WT1: variants seen among roughly 807,000 people sequenced by gnomAD.
The protein encoded by WT1 is WT1 transcription factor.
A neutral mutation model predicts 60.8 loss-of-function variants in WT1; 8 were observed. The ratio of observed to expected loss-of-function variants is 0.13; its 90% confidence interval spans 0.08 to 0.24. The LOEUF (loss-of-function observed/expected upper bound fraction) is 0.24, where lower values mean the gene tolerates loss of function less well. WT1 is among the 10% of genes least tolerant of loss of function. The pLI is 1.00. For missense variants in WT1, 568 were observed against 711.8 expected (o/e 0.80, Z 2.30); for synonymous variants, 312 against 297.1 (o/e 1.05, Z -0.52).
chr11:32,425,237 A>T (rs1361175984), intron 3 of WT1, among the ~76,000 whole-genome samples: 2 of 152,024 alleles, frequency 1.3e-5, no homozygotes, highest in African/African-American at 4.8e-5. Flanking sequence ...GAGGGGGAGA[A>T]AAAGCTGGGC....
intron 5 of WT1, among the ~76,000 whole-genome samples, chr11:32,416,077 T>C (rs904434028): frequency 6.6e-6 from 1 of 152,198 alleles, no homozygotes; most frequent in Non-Finnish European, 1.5e-5. Context: ...TTTCAAAGCC[T>C]GGCCTCAGAC....
At chr11:32,399,904 G>A (rs1288242019) in intron 6 of WT1, 44 bp downstream of exon 6, 3 of 1,601,982 alleles carry the variant, frequency 1.9e-6, no homozygotes, top group African/African-American at 2.7e-5. Flanking sequence ...AGTAGGAAGA[G>A]GCAGTGCGGC....
At chr11:32,425,180 G>GAAAAAAAAAAAAAAAAAAAAAAAAAA (rs10540778) in intron 3 of WT1, among the ~76,000 whole-genome samples, 1 of 119,282 alleles carries the variant, frequency 8.4e-6, no homozygotes. Context: ...GTCTCGAAAA[G>GAAAAAAAAAAAAAAAAAAAAAAAAAA]AAAAAAAAAA....
chr11:32,430,443 AGAGAGAGGGAGG>A, intron 1 of WT1: 4 of 1,341,028 alleles, frequency 3.0e-6, no homozygotes, highest in South Asian at 1.3e-5. Context: ...AGAGAGAGAG[AGAGAGAGGGAGG>A]GAGAGAGAGA....
In WT1 at chr11:32,389,189, C is replaced by A. The variant is rs185744719; in HGVS notation, c.1448-10G>T. The A allele has an allele frequency of 1.1e-5, 18 of 1,613,920 alleles. No individual in the cohort carries two copies. In the East Asian group the frequency reaches 1.6e-4, roughly 14 times the overall value. On this transcript the variant is annotated splice_polypyrimidine_tract_variant and intron_variant, in intron 9 of 9. Transcript: ENST00000452863. ...CTGAAGGGCTTTTCACCTGTTGACA[C>A]AATTGCCAGTCAGAGACACTTGCAA...
At chr11:32,392,867 C>T (rs891903879) in intron 7 of WT1, 112 bp from the exon 8 acceptor site, 8 of 920,176 alleles carry the variant, frequency 8.7e-6, no homozygotes, top group Admixed American at 6.0e-5. Flanking sequence ...AGGCACTTCG[C>T]TGGAGCTTGT....
intron 5 of WT1, among the ~76,000 whole-genome samples, chr11:32,412,220 C>G (rs1339899396): frequency 6.6e-6 from 1 of 152,182 alleles, no homozygotes; most frequent in Non-Finnish European, 1.5e-5. Context: ...TCTCCAGATT[C>G]GACAGCCTTG....
intron 3 of WT1, among the ~76,000 whole-genome samples, chr11:32,424,257 C>A (rs977541115): frequency 1.5e-4 from 23 of 151,548 alleles, no homozygotes; most frequent in Middle Eastern, 3.2e-3. Flanking sequence ...TGATTCAGAG[C>A]ACAGCTGGGC....
chr11:32,400,441 T>A (rs1187349745), intron 5 of WT1: 7 of 350,676 alleles, frequency 2.0e-5, no homozygotes, highest in African/African-American at 1.5e-4. Flanking sequence ...GCACTGAATT[T>A]GTCGGCACCT....
chr11:32,411,641 A>C (rs1433046115), intron 5 of WT1, among the ~76,000 whole-genome samples: 3 of 152,226 alleles, frequency 2.0e-5, no homozygotes, highest in Non-Finnish European at 4.4e-5. Context: ...AATTCAATAC[A>C]TTCATCAAAT....
intron 5 of WT1, among the ~76,000 whole-genome samples, chr11:32,409,866 C>G (rs1481218234): frequency 6.6e-6 from 1 of 152,122 alleles, no homozygotes; most frequent in African/African-American, 2.4e-5. Flanking sequence ...GGACACTGTT[C>G]CAGTGATTCT....
chr11:32,395,789 T>G (rs951786632), intron 7 of WT1, among the ~76,000 whole-genome samples: 1 of 151,792 alleles, frequency 6.6e-6, no homozygotes, highest in Admixed American at 6.6e-5. Context: ...CACTAAAAAA[T>G]CAAACTAACA....
intron 3 of WT1, among the ~76,000 whole-genome samples, chr11:32,421,589 G>T (rs1425735530): frequency 6.6e-6 from 1 of 152,174 alleles, no homozygotes; most frequent in Non-Finnish European, 1.5e-5. Context: ...ATGCAAGTTG[G>T]AGTAAAATAA....
At chr11:32,429,144 ACC>A (rs1853175446) in intron 1 of WT1, 4 of 250,110 alleles carry the variant, frequency 1.6e-5, no homozygotes, top group Admixed American at 9.9e-5. Flanking sequence ...AAGAGTAATT[ACC>A]GAGTAATGTT....
chr11:32,428,918 C>A, intron 1 of WT1: 1 of 468,294 alleles, frequency 2.1e-6, no homozygotes. Flanking sequence ...CAGCGAACCC[C>A]TGGCAAATTA....
At chr11:32,392,445 T>C (rs563167545) in intron 8 of WT1, among the ~76,000 whole-genome samples, 1 of 152,342 alleles carries the variant, frequency 6.6e-6, no homozygotes, top group Non-Finnish European at 1.5e-5. Context: ...TAGTGGGATC[T>C]CACTGTTCTG....
intron 1 of WT1, 77 bp downstream of exon 1, chr11:32,434,623 G>C (rs1424792554): frequency 6.8e-6 from 11 of 1,606,688 alleles, no homozygotes; most frequent in African/African-American, 4.0e-5. Flanking sequence ...AAAGGGGTAG[G>C]AGAGGGGGGT....
chr11:32,408,042 G>C (rs1852371661), intron 5 of WT1, among the ~76,000 whole-genome samples: 1 of 151,594 alleles, frequency 6.6e-6, no homozygotes, highest in South Asian at 2.1e-4. Context: ...GGCTAACATG[G>C]TGAAAACTCA....
rs548704325 is a variant in WT1, at chr11:32,427,991, G to C, written c.852C>G (p.Gly284=). 8.1e-6 allele frequency: 13 copies of C among 1,611,982 alleles called. No homozygotes were observed. The South Asian group carries it at 1.3e-4, about 16-fold the overall frequency. ...GCGTCCTCAGCAGCAAAGCCTGGCTGCCGGTGCAGCTGTCGGTGGGGGTGT... is the reference window on the plus strand; with the variant it reads ...GCGTCCTCAGCAGCAAAGCCTGGCTCCCGGTGCAGCTGTCGGTGGGGGTGT... The change falls in exon 3 of 10, where the codon GGC becomes GGG. Residue 284 remains glycine (G), a synonymous_variant. Transcript: ENST00000452863.
Sources: allele counts gnomAD v4.1 joint callset (sites outside exome capture counted in the v4.1 genomes callset), GRCh38; gene constraint gnomAD v4.1.1; transcripts MANE v1.5; gene names NCBI Gene and HGNC (gene_info 2026-07-23, HGNC 2026-07-21).